AKAP7: variants seen among roughly 807,000 people sequenced by gnomAD.
AKAP7 encodes the protein A-kinase anchoring protein 7.
A neutral mutation model predicts 39.5 loss-of-function variants in AKAP7; 39 were observed. That is an observed-to-expected ratio of 0.99 (90% CI 0.76 to 1.29). The LOEUF (loss-of-function observed/expected upper bound fraction) is 1.29, where lower values mean the gene tolerates loss of function less well. Ranked by LOEUF, AKAP7 falls within the 50% of genes most tolerant of loss-of-function variation. The pLI is 0.00. For missense variants in AKAP7, 414 were observed against 407.7 expected, an observed-to-expected ratio of 1.02 and a Z score of -0.13; for synonymous variants, 140 against 139.1, an observed-to-expected ratio of 1.01 and a Z score of -0.05.
rs561333362 is a variant in AKAP7, at chr6:131,233,314, A to G, written c.850+13506A>G. ...AGCATAGTGACCAGAAGTTCCTACA[A>G]TCAGGCAGACCTTATTCTAATGGTC... On this transcript the variant is annotated intron_variant, in intron 7 of 7. Coordinates refer to ENST00000431975, the MANE Select transcript of AKAP7 (RefSeq NM_016377.4). Among the ~76,000 whole-genome samples, 22 of 152,300 alleles carry G rather than the reference A, an allele frequency of 1.4e-4. No homozygotes were observed. In the East Asian group the frequency reaches 4.0e-3, roughly 28 times the overall value.
chr6:131,213,827 C>T (rs764907107), intron 6 of AKAP7, among the ~76,000 whole-genome samples: 9 of 152,144 alleles, frequency 5.9e-5, no homozygotes, highest in Non-Finnish European at 8.8e-5. Flanking sequence ...AATGAGCTTA[C>T]GTGGGAACAG....
chr6:131,173,914 A>C (rs1804325665), intron 5 of AKAP7, among the ~76,000 whole-genome samples: 1 of 152,210 alleles, frequency 6.6e-6, no homozygotes, highest in Non-Finnish European at 1.5e-5. Flanking sequence ...ATATTCTCAC[A>C]AAGGCATTTT....
chr6:131,153,151 GA>G (rs1802093623), intron 2 of AKAP7, among the ~76,000 whole-genome samples: 1 of 150,688 alleles, frequency 6.6e-6, no homozygotes, highest in Non-Finnish European at 1.5e-5. Flanking sequence ...AAAAGAGAGA[GA>G]GAGATTGGGC....
intron 7 of AKAP7, among the ~76,000 whole-genome samples, chr6:131,259,824 G>A (rs949852179): frequency 6.6e-5 from 10 of 152,102 alleles, no homozygotes; most frequent in African/African-American, 2.2e-4. Flanking sequence ...TAAGTTCTGG[G>A]ATACCTGTGC....
chr6:131,261,306 C>T (rs76434799), intron 7 of AKAP7, among the ~76,000 whole-genome samples: 3,424 of 151,562 alleles, frequency 0.023, 105 homozygotes, highest in African/African-American at 0.071. Flanking sequence ...GGCTCAAATA[C>T]ATTGTTGTAA....
chr6:131,192,492 C>A (rs755237209), intron 5 of AKAP7, among the ~76,000 whole-genome samples: 2 of 152,100 alleles, frequency 1.3e-5, no homozygotes, highest in Admixed American at 1.3e-4. Flanking sequence ...TTACTATAGC[C>A]CTGTAGTATA....
chr6:131,139,106 A>C (rs1800814603), intron 1 of AKAP7, among the ~76,000 whole-genome samples: 1 of 152,242 alleles, frequency 6.6e-6, no homozygotes, highest in South Asian at 2.1e-4. Context: ...TATAAGAGAA[A>C]GTGTAGTTAT....
At chr6:131,244,805 C>T (rs1477376961) in intron 7 of AKAP7, among the ~76,000 whole-genome samples, 1 of 152,042 alleles carries the variant, frequency 6.6e-6, no homozygotes, top group Non-Finnish European at 1.5e-5. Flanking sequence ...CTGTATATGG[C>T]ATCTTATGCT....
intron 5 of AKAP7, among the ~76,000 whole-genome samples, chr6:131,189,595 TA>T (rs757570201): frequency 7.9e-5 from 12 of 152,322 alleles, no homozygotes; most frequent in South Asian, 6.2e-4. Flanking sequence ...GATTATTATG[TA>T]AATTTATTGC....
intron 5 of AKAP7, among the ~76,000 whole-genome samples, chr6:131,181,249 T>C (rs1051299823): frequency 6.6e-6 from 1 of 152,180 alleles, no homozygotes; most frequent in East Asian, 1.9e-4. Flanking sequence ...TGTTTCACTT[T>C]TTGTATTTAC....
Position 131,179,889 on chromosome 6 carries a change from AAATAAAT to A in AKAP7, c.589+10626_589+10632del, listed in dbSNP as rs1214958159. ...GTCTCAAATAAATAAATAAATAAAT[AAATAAAT>A]AATAAATAAATAAATAAGTTGTTAA... is the stretch of plus-strand genomic sequence containing the variant. On this transcript the variant is annotated intron_variant, in intron 5 of 7. Coordinates refer to ENST00000431975, the MANE Select transcript of AKAP7 (RefSeq NM_016377.4). Among the ~76,000 whole-genome samples, 16 of 149,932 alleles carry A rather than the reference AAATAAAT, an allele frequency of 1.1e-4. No individual in the cohort carries two copies. The South Asian group carries it at 1.3e-3, about 12-fold the overall frequency.
intron 2 of AKAP7, among the ~76,000 whole-genome samples, chr6:131,157,683 CAG>C (rs1312676570): frequency 6.6e-6 from 1 of 152,080 alleles, no homozygotes; most frequent in African/African-American, 2.4e-5. Context: ...TCTTATAACA[CAG>C]ATAAAAATGC....
rs1562860911 is a variant in AKAP7, at chr6:131,145,263, TTC to T, written c.20-20_20-19del. On this transcript the variant is annotated intron_variant, in intron 1 of 7. Transcript: ENST00000431975. ...ATGACAAGTTAAATAATCCTTTTTTTTCTGTTTGTGATATGTTAAAGGAGGAA... is the reference window on the plus strand; with the variant it reads ...ATGACAAGTTAAATAATCCTTTTTTTTGTTTGTGATATGTTAAAGGAGGAA... 23 of 1,369,174 alleles carry T rather than the reference TTC, an allele frequency of 1.7e-5. No homozygotes were observed. The highest frequency in any genetic ancestry group is 2.2e-5 in the Non-Finnish European group (23 of 1,032,230). 84.8% of individuals were successfully genotyped at this position (1,369,174 alleles called of 1,614,324 possible). A position where few individuals can be genotyped will look rare whatever the true frequency, so the allele number is the denominator to read the frequency against.
chr6:131,135,688 C>A lies in AKAP7; in HGVS notation c.-76C>A. On this transcript the variant is annotated 5_prime_UTR_variant, in exon 1 of 8. Transcript: ENST00000431975. ...CCCGCCCTGGCCTCCGCCTCGGCCTCGCCTCCAGCCCCGGGACGCGGCCCG... is the reference window on the plus strand; with the variant it reads ...CCCGCCCTGGCCTCCGCCTCGGCCTAGCCTCCAGCCCCGGGACGCGGCCCG... 2 of 1,134,336 alleles carry A rather than the reference C, an allele frequency of 1.8e-6. No homozygotes were observed. Among genetic ancestry groups the A allele is most frequent in the Non-Finnish European group, 2.2e-6 (2 of 926,838 alleles). The allele number at this position is 1,134,336 out of a possible 1,614,324, so 70.3% of individuals were successfully genotyped here. A position where few individuals can be genotyped will look rare whatever the true frequency, so the allele number is the denominator to read the frequency against.
chr6:131,253,641 C>G (rs1443347628), intron 7 of AKAP7, among the ~76,000 whole-genome samples: 1 of 150,750 alleles, frequency 6.6e-6, no homozygotes, highest in African/African-American at 2.4e-5. Context: ...TCATTCCACT[C>G]TATCTCCATG....
upstream of AKAP7, among the ~76,000 whole-genome samples, chr6:131,132,849 T>C (rs1168811998): frequency 1.3e-5 from 2 of 152,194 alleles, no homozygotes; most frequent in Admixed American, 6.5e-5. Context: ...TGATGCTGAG[T>C]TTAATCACGA....
At chr6:131,193,671 A>G (rs1806638980) in intron 5 of AKAP7, among the ~76,000 whole-genome samples, 1 of 152,074 alleles carries the variant, frequency 6.6e-6, no homozygotes, top group South Asian at 2.1e-4. Flanking sequence ...AGCAGTGAAG[A>G]CATCAGGTCC....
At chr6:131,228,595 G>T (rs1463803266) in intron 7 of AKAP7, among the ~76,000 whole-genome samples, 2 of 152,022 alleles carry the variant, frequency 1.3e-5, no homozygotes, top group Non-Finnish European at 2.9e-5. Flanking sequence ...TCTTGCCTCA[G>T]CCTCCCAAAG....
chr6:131,131,391 C>T (rs1389820771), upstream of AKAP7, among the ~76,000 whole-genome samples: 1 of 151,910 alleles, frequency 6.6e-6, no homozygotes, highest in African/African-American at 2.4e-5. Context: ...TGGCGCCACT[C>T]TTGCCACGCA....
Sources: allele counts gnomAD v4.1 joint callset (sites outside exome capture counted in the v4.1 genomes callset), GRCh38; gene constraint gnomAD v4.1.1; transcripts MANE v1.5; gene names NCBI Gene and HGNC (gene_info 2026-07-23, HGNC 2026-07-21).